SOX5: variants seen among roughly 807,000 people sequenced by gnomAD.
SOX5 encodes the protein SRY-box transcription factor 5, also known as transcription factor SOX-5.
Under a neutral mutation model 92.0 loss-of-function variants are expected in SOX5, and 9 were observed. That is an observed-to-expected ratio of 0.10 (90% CI 0.06 to 0.17). SOX5 has a LOEUF of 0.17. Among genes scored for constraint, SOX5 ranks in the 10% least tolerant of loss-of-function variants. The pLI is 1.00. For missense variants in SOX5, 642 were observed against 944.5 expected, an observed-to-expected ratio of 0.68 and a Z score of 4.20; for synonymous variants, 344 against 336.3, an observed-to-expected ratio of 1.02 and a Z score of -0.25.
chr12:24,031,191 G>C (rs1470130925), intron 4 of SOX5, among the ~76,000 whole-genome samples: 1 of 106,972 alleles, frequency 9.3e-6, no homozygotes, highest in Non-Finnish European at 2.0e-5. Flanking sequence ...CAGCAATCCT[G>C]CTACTAGTTA....
intron 4 of SOX5, among the ~76,000 whole-genome samples, chr12:24,170,883 C>T (rs988137129): frequency 5.9e-5 from 9 of 152,158 alleles, no homozygotes; most frequent in South Asian, 2.1e-4. Context: ...TCTACAACAT[C>T]GTTATAAATT....
intron 1 of SOX5, among the ~76,000 whole-genome samples, chr12:24,379,697 G>A (rs777665543): frequency 6.6e-6 from 1 of 152,058 alleles, no homozygotes; most frequent in Non-Finnish European, 1.5e-5. Context: ...GTGACTCCCG[G>A]GTTCCAACTG....
chr12:24,377,441 C>T (rs1371458839), intron 1 of SOX5, among the ~76,000 whole-genome samples: 5 of 152,154 alleles, frequency 3.3e-5, no homozygotes, highest in Admixed American at 2.6e-4. Flanking sequence ...TTTAACATAA[C>T]CATTTCTGAA....
chr12:24,125,765 GA>G (rs1949049986), intron 4 of SOX5, among the ~76,000 whole-genome samples: 2 of 152,072 alleles, frequency 1.3e-5, no homozygotes, highest in South Asian at 4.1e-4. Context: ...TCTTTCCCTG[GA>G]TATCACTTTA....
chr12:24,078,267 A>C (rs921400897), intron 4 of SOX5, among the ~76,000 whole-genome samples: 4 of 152,070 alleles, frequency 2.6e-5, no homozygotes, highest in African/African-American at 9.7e-5. Flanking sequence ...GGGGAGAGAG[A>C]GAGAACTTTG....
intron 1 of SOX5, among the ~76,000 whole-genome samples, chr12:24,375,894 A>T (rs1483700356): frequency 1.3e-5 from 2 of 152,172 alleles, no homozygotes; most frequent in African/African-American, 2.4e-5. Context: ...AACCGCTTTT[A>T]AAAAGTCTTT....
chr12:23,645,804 C>A (rs940247311), intron 7 of SOX5, among the ~76,000 whole-genome samples: 1 of 151,996 alleles, frequency 6.6e-6, no homozygotes, highest in Admixed American at 6.6e-5. Flanking sequence ...TTTACTAATG[C>A]CATATTGTAT....
intron 3 of SOX5, among the ~76,000 whole-genome samples, chr12:23,840,546 A>G (rs542564662): frequency 6.6e-6 from 1 of 152,286 alleles, no homozygotes; most frequent in South Asian, 2.1e-4. Context: ...GAAAAAGTAG[A>G]AAGTTGGAGG....
In SOX5 at chr12:24,340,969, C is replaced by T. The variant is rs368395894; in HGVS notation, c.-174+27594G>A. ...ATGTATAAATTTAATGTACTCTGTG[C>T]GTCTAGCTCTAACAGCCATCTGGGC... On this transcript the variant is annotated intron_variant, in intron 2 of 4. Transcript: ENST00000446891. Among the ~76,000 whole-genome samples, 96 of 152,238 alleles carry T rather than the reference C, an allele frequency of 6.3e-4. 1 individual carries two copies. Among genetic ancestry groups the T allele is most frequent in the African/African-American group, 2.3e-3 (94 of 41,542 alleles).
At chr12:24,362,868 A>G (rs1455372754) in intron 2 of SOX5, among the ~76,000 whole-genome samples, 2 of 64,344 alleles carry the variant, frequency 3.1e-5, no homozygotes, top group Non-Finnish European at 8.4e-5. Context: ...ACCACAGTGA[A>G]AAAAAAAAAA....
chr12:23,855,278 T>C (rs1420183141), intron 2 of SOX5, among the ~76,000 whole-genome samples: 1 of 151,976 alleles, frequency 6.6e-6, no homozygotes, highest in Non-Finnish European at 1.5e-5. Context: ...AATACAAACT[T>C]TTCTTTTGTT....
At chr12:24,545,463 G>C (rs1320116915) in intron 1 of SOX5, among the ~76,000 whole-genome samples, 2 of 151,770 alleles carry the variant, frequency 1.3e-5, no homozygotes, top group Non-Finnish European at 2.9e-5. Context: ...TAGCTAAATT[G>C]ACCCTCATAA....
chr12:23,917,477 G>A (rs1029478545), intron 1 of SOX5, among the ~76,000 whole-genome samples: 3 of 151,998 alleles, frequency 2.0e-5, no homozygotes, highest in South Asian at 2.1e-4. Flanking sequence ...CGCTTGAGCC[G>A]GGGAGGCAGA....
chr12:24,500,416 G>GA (rs367938608), intron 1 of SOX5, among the ~76,000 whole-genome samples: 30 of 151,400 alleles, frequency 2.0e-4, no homozygotes, highest in African/African-American at 6.5e-4. Flanking sequence ...AGAATTGAAA[G>GA]AAAAAAAAGT....
intron 3 of SOX5, among the ~76,000 whole-genome samples, chr12:23,827,300 T>C (rs2096249136): frequency 6.6e-6 from 1 of 152,236 alleles, no homozygotes; most frequent in Admixed American, 6.5e-5. Context: ...GTATTTGTCA[T>C]ATTCATAGCA....
intron 9 of SOX5, among the ~76,000 whole-genome samples, chr12:23,584,214 A>C (rs1950408649): frequency 6.6e-6 from 1 of 152,042 alleles, no homozygotes; most frequent in African/African-American, 2.4e-5. Context: ...AAAATACCAC[A>C]TGAAGGCACG....
At chr12:23,920,438 CT>C (rs1937852592) in intron 1 of SOX5, 4 of 152,146 alleles carry the variant, frequency 2.6e-5, no homozygotes, top group African/African-American at 9.7e-5. Context: ...TAGTAATAGA[CT>C]AGCTCTAAGA....
At chr12:24,492,548 C>T (rs1947199743) in intron 1 of SOX5, among the ~76,000 whole-genome samples, 1 of 152,136 alleles carries the variant, frequency 6.6e-6, no homozygotes, top group South Asian at 2.1e-4. Context: ...ATTTCATAGA[C>T]TTCACTAAAG....
chr12:23,736,867 A>G (rs891384898), intron 5 of SOX5, among the ~76,000 whole-genome samples: 6 of 151,512 alleles, frequency 4.0e-5, no homozygotes, highest in Admixed American at 2.0e-4. Context: ...ATTTTTTTAT[A>G]TTTTTACTAG....
Sources: allele counts gnomAD v4.1 joint callset (sites outside exome capture counted in the v4.1 genomes callset), GRCh38; gene constraint gnomAD v4.1.1; transcripts MANE v1.5; gene names NCBI Gene and HGNC (gene_info 2026-07-23, HGNC 2026-07-21).